Variants in COMMD1 observed in about 807,000 individuals in gnomAD.
COMMD1 encodes COMM domain-containing protein 1.
A neutral mutation model predicts 17.2 loss-of-function variants in COMMD1; 10 were observed. That is an observed-to-expected ratio of 0.58 (90% CI 0.36 to 0.99). COMMD1 has a LOEUF of 0.99. Ranked by LOEUF, COMMD1 falls within the 50% of genes least tolerant of loss-of-function variation. COMMD1 has a pLI of 0.01. For missense variants in COMMD1, 270 were observed against 231.8 expected (o/e 1.17, Z -1.07); for synonymous variants, 97 against 91.6 (o/e 1.06, Z -0.34).
chr2:62,057,187 GATA>G (rs1382858559), intron 2 of COMMD1, among the ~76,000 whole-genome samples: 1 of 152,118 alleles, frequency 6.6e-6, no homozygotes, highest in African/African-American at 2.4e-5. Flanking sequence ...ATTACAGTGT[GATA>G]ATAATAGAAA....
At chr2:62,069,680 G>A (rs1317668809) in intron 2 of COMMD1, 1 of 152,160 alleles carries the variant, frequency 6.6e-6, no homozygotes, top group Non-Finnish European at 1.5e-5. Flanking sequence ...ATAACAAGAA[G>A]TTTTCAAGGG....
intron 1 of COMMD1, among the ~76,000 whole-genome samples, chr2:61,978,912 A>G (rs1218573468): frequency 6.6e-6 from 1 of 152,216 alleles, no homozygotes; most frequent in Non-Finnish European, 1.5e-5. Flanking sequence ...TAATCATATC[A>G]GGGGAAATGG....
upstream of COMMD1, chr2:61,905,529 C>T (rs1669746245): frequency 1.4e-6 from 1 of 701,308 alleles, no homozygotes; most frequent in Admixed American, 2.9e-5. Context: ...CAGAGCAAAG[C>T]TGTAAGCTGC....
At chr2:62,009,731 C>G (rs1201594799) in intron 2 of COMMD1, among the ~76,000 whole-genome samples, 1 of 151,798 alleles carries the variant, frequency 6.6e-6, no homozygotes, top group Non-Finnish European at 1.5e-5. Flanking sequence ...CAAGCTAACT[C>G]TGAATTAGCT....
intron 2 of COMMD1, among the ~76,000 whole-genome samples, chr2:62,109,802 T>A (rs1377183840): frequency 2.0e-5 from 3 of 152,128 alleles, no homozygotes; most frequent in Non-Finnish European, 4.4e-5. Flanking sequence ...AATTTGGAAC[T>A]GGGTCAGCCT....
chr2:61,926,781 G>A (rs766422061), intron 1 of COMMD1, among the ~76,000 whole-genome samples: 2 of 151,910 alleles, frequency 1.3e-5, no homozygotes, highest in Non-Finnish European at 2.9e-5. Flanking sequence ...CTGCCTACCT[G>A]TTCTTCCTTT....
chr2:62,121,711 C>T (rs1291976800), intron 2 of COMMD1, among the ~76,000 whole-genome samples: 1 of 147,378 alleles, frequency 6.8e-6, no homozygotes, highest in Admixed American at 6.8e-5. Context: ...GCACTCCAGC[C>T]TGGGCAACAG....
chr2:61,892,290 A>G (rs1156492539), intron 1 of COMMD1, among the ~76,000 whole-genome samples: 2 of 152,144 alleles, frequency 1.3e-5, no homozygotes, highest in African/African-American at 2.4e-5. Context: ...TTACAAAACA[A>G]TAATACTTTG....
At chr2:61,962,535 C>A in intron 1 of COMMD1, among the ~76,000 whole-genome samples, 1 of 152,130 alleles carries the variant, frequency 6.6e-6, no homozygotes, top group East Asian at 1.9e-4. Flanking sequence ...TCACCCTGAC[C>A]TCCGGGGAGG....
intron 2 of COMMD1, among the ~76,000 whole-genome samples, chr2:62,054,079 G>A (rs1232860284): frequency 5.9e-5 from 9 of 152,018 alleles, no homozygotes; most frequent in Non-Finnish European, 1.2e-4. Context: ...ACATATAAAT[G>A]GCCAACAGGT....
intron 1 of COMMD1, among the ~76,000 whole-genome samples, chr2:61,988,104 A>T (rs1672152405): frequency 6.6e-6 from 1 of 152,132 alleles, no homozygotes; most frequent in African/African-American, 2.4e-5. Context: ...ATGTCATCTA[A>T]GAGCCAAGGC....
At chr2:61,949,854 C>T (rs1671005167) in intron 1 of COMMD1, among the ~76,000 whole-genome samples, 1 of 152,108 alleles carries the variant, frequency 6.6e-6, no homozygotes, top group Admixed American at 6.5e-5. Context: ...CTGGCATGGT[C>T]CTTAGGAAAG....
At chr2:62,069,327 A>G (rs748837866) in intron 2 of COMMD1, 16 of 152,078 alleles carry the variant, frequency 1.1e-4, no homozygotes, top group South Asian at 2.1e-4. Flanking sequence ...TGTTAATTCT[A>G]TGTGTTTTAG....
intron 2 of COMMD1, chr2:62,100,333 G>C (rs1672141646): frequency 6.6e-6 from 1 of 152,152 alleles, no homozygotes; most frequent in African/African-American, 2.4e-5. Context: ...TTGTTGAAGA[G>C]TCAAACACTG....
rs138507532 is a variant in COMMD1 at position 61,928,935 on chromosome 2, A to G, written c.180+23077A>G. Among the ~76,000 whole-genome samples the G allele has an allele frequency of 7.0e-4, 106 of 152,358 alleles. 1 individual carries two copies. The highest frequency in any genetic ancestry group is 2.5e-3 in the African/African-American group (104 of 41,596). ...TTACTCAGGAATAGAAATAAGGATT[A>G]TAACCTGGAATGCAAGGAATGGCAA... On this transcript the variant is annotated intron_variant, in intron 1 of 2. Coordinates refer to ENST00000311832, the MANE Select transcript of COMMD1 (RefSeq NM_152516.4).
chr2:61,960,801 C>T (rs1362550835), intron 1 of COMMD1, among the ~76,000 whole-genome samples: 4 of 152,174 alleles, frequency 2.6e-5, no homozygotes, highest in Non-Finnish European at 4.4e-5. Context: ...TCTTTGCACT[C>T]GTTCAGCCCC....
At chr2:62,117,472 C>G in intron 2 of COMMD1, among the ~76,000 whole-genome samples, 1 of 152,180 alleles carries the variant, frequency 6.6e-6, no homozygotes. Context: ...GATTGTGAAA[C>G]AGTTAAGTGC....
At chr2:61,978,370 A>G (rs905459115) in intron 1 of COMMD1, among the ~76,000 whole-genome samples, 1 of 148,430 alleles carries the variant, frequency 6.7e-6, no homozygotes, top group East Asian at 2.0e-4. Context: ...GGTTGTACAA[A>G]TGTGAAATTT....
chr2:61,955,083 T>C lies in COMMD1; in HGVS notation c.181-45618T>C, dbSNP rs76507087. Among the ~76,000 whole-genome samples, 5 of 152,342 alleles carry C rather than the reference T, an allele frequency of 3.3e-5. No individual in the cohort carries two copies. In the East Asian group the frequency reaches 9.6e-4, roughly 29 times the overall value. Reference sequence around the variant, plus strand: ...TCACGAGTTTAAGGCTCAAAATAATTTGGCGTTCCAACAGCTAAGATTTTG... The same window carrying C: ...TCACGAGTTTAAGGCTCAAAATAATCTGGCGTTCCAACAGCTAAGATTTTG... On this transcript the variant is annotated intron_variant, in intron 1 of 2. Coordinates refer to ENST00000311832, the MANE Select transcript of COMMD1 (RefSeq NM_152516.4).
Sources: gnomAD v4.1 joint callset for allele counts (sites outside exome capture counted in the v4.1 genomes callset) on GRCh38, gnomAD v4.1.1 for gene constraint, MANE v1.5 for transcripts, NCBI Gene and HGNC (gene_info 2026-07-23, HGNC 2026-07-21) for gene names.